Variants in AUTS2 observed in about 807,000 individuals in gnomAD.
The protein encoded by AUTS2 is autism susceptibility gene 2 protein.
AUTS2 carries 17 observed loss-of-function variants against 112.4 expected under a neutral mutation model. The observed-to-expected ratio is 0.15, with a 90% CI of 0.10 to 0.23. The LOEUF (loss-of-function observed/expected upper bound fraction) is 0.23, where lower values mean the gene tolerates loss of function less well. Among genes scored for constraint, AUTS2 ranks in the 10% least tolerant of loss-of-function variants. The pLI is 1.00. For synonymous variants in AUTS2, 751 were observed against 702.7 expected (o/e 1.07, Z -1.09); for missense variants, 1,510 against 1,701.6 (o/e 0.89, Z 1.98).
At chr7:70,684,613 TGTG>T (rs1190099331) in intron 5 of AUTS2, among the ~76,000 whole-genome samples, 1 of 148,100 alleles carries the variant, frequency 6.8e-6, no homozygotes. Flanking sequence ...GTGTGTGTGG[TGTG>T]GTATGGTGTG....
chr7:70,004,529 T>A (rs1367379113), intron 2 of AUTS2, among the ~76,000 whole-genome samples: 1 of 149,100 alleles, frequency 6.7e-6, no homozygotes, highest in Non-Finnish European at 1.5e-5. Flanking sequence ...CTACAAAAAG[T>A]TTTAAGGTTA....
intron 5 of AUTS2, among the ~76,000 whole-genome samples, chr7:70,568,753 G>A (rs1297463897): frequency 6.6e-6 from 1 of 152,202 alleles, no homozygotes; most frequent in Non-Finnish European, 1.5e-5. Context: ...AGGGAGACCA[G>A]AGCCAACTGG....
At chr7:69,760,968 C>T (rs1162633852) in intron 1 of AUTS2, among the ~76,000 whole-genome samples, 1 of 152,106 alleles carries the variant, frequency 6.6e-6, no homozygotes, top group African/African-American at 2.4e-5. Flanking sequence ...AGACACTTAC[C>T]AGAGGAGATG....
intron 6 of AUTS2, among the ~76,000 whole-genome samples, chr7:70,702,823 C>T (rs188730452): frequency 3.2e-4 from 48 of 152,336 alleles, no homozygotes; most frequent in Admixed American, 3.0e-3. Context: ...CTTTTCCTCT[C>T]CCGGGCCCTA....
At chr7:69,626,881 T>C (rs1793977810) in intron 1 of AUTS2, among the ~76,000 whole-genome samples, 1 of 152,236 alleles carries the variant, frequency 6.6e-6, no homozygotes, top group South Asian at 2.1e-4. Context: ...AGCCTGTTTT[T>C]CTTTGGTCTG....
At chr7:69,792,673 T>C (rs1000706335) in intron 1 of AUTS2, among the ~76,000 whole-genome samples, 1 of 152,146 alleles carries the variant, frequency 6.6e-6, no homozygotes, top group Non-Finnish European at 1.5e-5. Context: ...TCCCTTTTTT[T>C]CCAAAGCTTT....
chr7:69,675,177 T>C (rs1288581458), intron 1 of AUTS2, among the ~76,000 whole-genome samples: 1 of 152,166 alleles, frequency 6.6e-6, no homozygotes, highest in Non-Finnish European at 1.5e-5. Context: ...ACTAACCTCT[T>C]TTAAATAGCC....
At chr7:69,651,385 G>C (rs536056477) in intron 1 of AUTS2, among the ~76,000 whole-genome samples, 1 of 152,320 alleles carries the variant, frequency 6.6e-6, no homozygotes, top group Admixed American at 6.5e-5. Flanking sequence ...TCTTGCACCA[G>C]GAAGGTGGCC....
intron 4 of AUTS2, among the ~76,000 whole-genome samples, chr7:70,357,867 C>T (rs1792082001): frequency 6.6e-6 from 1 of 152,152 alleles, no homozygotes; most frequent in South Asian, 2.1e-4. Context: ...TTTTCTTAAG[C>T]AAAAGCTACT....
intron 1 of AUTS2, among the ~76,000 whole-genome samples, chr7:69,713,230 T>C (rs1056759055): frequency 6.6e-6 from 1 of 152,184 alleles, no homozygotes; most frequent in East Asian, 1.9e-4. Context: ...ATCGTTTCTT[T>C]GTGACAACAT....
intron 4 of AUTS2, among the ~76,000 whole-genome samples, chr7:70,337,054 A>C (rs1791022814): frequency 6.6e-6 from 1 of 152,108 alleles, no homozygotes. Flanking sequence ...TACAGGGTGG[A>C]CCCCTGCTTT....
At chr7:69,648,852 G>T (rs1043248938) in intron 1 of AUTS2, among the ~76,000 whole-genome samples, 1 of 151,870 alleles carries the variant, frequency 6.6e-6, no homozygotes. Flanking sequence ...GAGTTCCTTG[G>T]GGGAAACTGT....
intron 5 of AUTS2, among the ~76,000 whole-genome samples, chr7:70,550,817 G>T (rs902486422): frequency 6.6e-6 from 1 of 152,142 alleles, no homozygotes; most frequent in African/African-American, 2.4e-5. Flanking sequence ...AACTGAGATG[G>T]CCTGAAAGAA....
intron 5 of AUTS2, among the ~76,000 whole-genome samples, chr7:70,488,254 T>C (rs571151692): frequency 1.3e-5 from 2 of 152,328 alleles, no homozygotes; most frequent in African/African-American, 2.4e-5. Context: ...AGTGTGGCTA[T>C]GGACAGATTT....
intron 4 of AUTS2, among the ~76,000 whole-genome samples, chr7:70,272,120 T>G (rs1174831375): frequency 1.3e-5 from 2 of 151,984 alleles, no homozygotes; most frequent in Non-Finnish European, 2.9e-5. Context: ...TAATAATTCC[T>G]CAGATATGAC....
intron 5 of AUTS2, among the ~76,000 whole-genome samples, chr7:70,450,635 A>C (rs972801763): frequency 6.6e-6 from 1 of 152,214 alleles, no homozygotes; most frequent in Non-Finnish European, 1.5e-5. Context: ...GACTTGATCC[A>C]GATGGAAGCC....
chr7:69,935,298 AAGG>A (rs904669967), intron 2 of AUTS2, among the ~76,000 whole-genome samples: 17 of 152,106 alleles, frequency 1.1e-4, no homozygotes, highest in African/African-American at 4.1e-4. Flanking sequence ...CAAGGTGAAA[AAGG>A]AGAAGTGGTT....
At chr7:69,837,393 T>C (rs1562918384) in intron 1 of AUTS2, among the ~76,000 whole-genome samples, 1 of 152,142 alleles carries the variant, frequency 6.6e-6, no homozygotes, top group Non-Finnish European at 1.5e-5. Context: ...TAGAACTTGG[T>C]AGGGTTCAGC....
At chr7:70,504,313 A>G (rs1798881108) in intron 5 of AUTS2, among the ~76,000 whole-genome samples, 1 of 151,874 alleles carries the variant, frequency 6.6e-6, no homozygotes, top group African/African-American at 2.4e-5. Context: ...AAGGGCAGCC[A>G]CCGTGACCCC....
Sources: allele counts gnomAD v4.1 joint callset (sites outside exome capture counted in the v4.1 genomes callset), GRCh38; gene constraint gnomAD v4.1.1; transcripts MANE v1.5; gene names NCBI Gene and HGNC (gene_info 2026-07-23, HGNC 2026-07-21).